Variants in ATP10B observed in about 807,000 individuals in gnomAD.
The protein encoded by ATP10B is ATPase phospholipid transporting 10B (putative), also known as phospholipid-transporting ATPase VB.
In ATP10B, 122 loss-of-function variants were observed where a neutral mutation model predicts 141.2. The ratio of observed to expected loss-of-function variants is 0.86; its 90% confidence interval spans 0.75 to 1.00. ATP10B has a LOEUF of 1.00. ATP10B is among the 50% of genes least tolerant of loss of function. ATP10B has a pLI of 0.00. For synonymous variants in ATP10B, 685 were observed against 692.0 expected (o/e 0.99, Z 0.16); for missense variants, 1,876 against 1,825.3 (o/e 1.03, Z -0.51).
chr5:160,715,731 A>G (rs1165994832), intron 3 of ATP10B, among the ~76,000 whole-genome samples: 1 of 23,386 alleles, frequency 4.3e-5, no homozygotes, highest in Middle Eastern at 0.025. Flanking sequence ...TTTATTTTTG[A>G]GACAGTGTCT....
intron 13 of ATP10B, among the ~76,000 whole-genome samples, chr5:160,626,315 G>A (rs1049831326): frequency 3.3e-5 from 5 of 152,130 alleles, no homozygotes; most frequent in South Asian, 4.1e-4. Context: ...TGATTTTTGA[G>A]CTCAAACGAT....
chr5:160,847,148 TTC>T (rs1209203095), intron 1 of ATP10B, among the ~76,000 whole-genome samples: 1 of 152,174 alleles, frequency 6.6e-6, no homozygotes, highest in African/African-American at 2.4e-5. Flanking sequence ...TGCAAGCACA[TTC>T]TCTCTGTCTT....
At chr5:160,777,403 A>G (rs375204863) in intron 2 of ATP10B, among the ~76,000 whole-genome samples, 1 of 152,174 alleles carries the variant, frequency 6.6e-6, no homozygotes, top group East Asian at 1.9e-4. Context: ...TGGCCAGTCC[A>G]TGGAAGAGTT....
At chr5:160,812,235 C>G (rs1019094472) in intron 1 of ATP10B, among the ~76,000 whole-genome samples, 2 of 152,136 alleles carry the variant, frequency 1.3e-5, no homozygotes, top group African/African-American at 4.8e-5. Context: ...AATGCAGATA[C>G]AGTTAGATCA....
the ATP10B span, among the ~76,000 whole-genome samples, chr5:160,878,763 C>A: frequency 8.5e-5 from 13 of 152,096 alleles, no homozygotes; most frequent in Non-Finnish European, 1.6e-4. Context: ...GACATTTATG[C>A]AGCCAAAAAA....
chr5:160,683,040 C>CAAA (rs35571529), intron 6 of ATP10B, among the ~76,000 whole-genome samples: 2 of 66,978 alleles, frequency 3.0e-5, no homozygotes, highest in Non-Finnish European at 5.7e-5. Context: ...CTCTGTCCCC[C>CAAA]AAAAAAAAAA....
At chr5:160,876,632 C>A in the ATP10B span, among the ~76,000 whole-genome samples, 2 of 151,904 alleles carry the variant, frequency 1.3e-5, no homozygotes, top group Non-Finnish European at 2.9e-5. Flanking sequence ...AATTGATAGA[C>A]TGCTAGCAAG....
chr5:160,718,407 T>C (rs1765782848), intron 2 of ATP10B, among the ~76,000 whole-genome samples: 1 of 152,228 alleles, frequency 6.6e-6, no homozygotes, highest in Non-Finnish European at 1.5e-5. Context: ...CATTAATCAC[T>C]CTGCATTCTC....
At chr5:160,613,224 CTACT>C (rs1757820217) in intron 17 of ATP10B, among the ~76,000 whole-genome samples, 1 of 152,128 alleles carries the variant, frequency 6.6e-6, no homozygotes, top group Non-Finnish European at 1.5e-5. Context: ...TGAGGAAGTG[CTACT>C]TAAACTGAGA....
At chr5:160,866,312 G>A in the ATP10B span, among the ~76,000 whole-genome samples, 1,285 of 152,216 alleles carry the variant, frequency 8.4e-3, 19 homozygotes, top group Middle Eastern at 0.031. Context: ...CTCAGGAATA[G>A]AAAATAAAAT....
chr5:160,688,212 C>T, intron 4 of ATP10B, 118 bp from the exon 5 acceptor site: 2 of 1,078,922 alleles, frequency 1.9e-6, no homozygotes, highest in South Asian at 1.7e-5. Flanking sequence ...CACACTTTGA[C>T]CTACTTCCTT....
At position 160,565,581 on chromosome 5, in the gene ATP10B, G is replaced by C; in HGVS notation, c.4258C>G (p.Gln1420Glu). 1 of 1,614,102 alleles carries C rather than the reference G, an allele frequency of 6.2e-7. No individual in the cohort carries two copies. ...AGCAGGTGCTCCCCGGATGAGAGTTGAGCTGAGGAGTCCCCTGAGCATGAG... is the reference window on the plus strand; with the variant it reads ...AGCAGGTGCTCCCCGGATGAGAGTTCAGCTGAGGAGTCCCCTGAGCATGAG... The part of the protein sequence containing the change: ...DDSCSGDSSA[Q>E]LSSGEHLLGP... The change falls in exon 26 of 26, where the codon CAA becomes GAA. Residue 1420 changes from glutamine (Q) to glutamate (E), a missense_variant. Coordinates refer to ENST00000327245, the MANE Select transcript of ATP10B (RefSeq NM_025153.3).
Position 160,834,250 on chromosome 5 carries a change from G to A in ATP10B, c.-576+17691C>T, listed in dbSNP as rs1410650277. On this transcript the variant is annotated intron_variant, in intron 1 of 25. Transcript: ENST00000327245. ...TGAGGCATGAGAATCGCTTGAACCT[G>A]GGAGGTGGAGGTTGCAATAAGCCGA... Among the ~76,000 whole-genome samples the A allele has an allele frequency of 3.3e-5, 5 of 152,070 alleles. 1 individual carries two copies. The highest frequency in any genetic ancestry group is 1.2e-4 in the African/African-American group (5 of 41,482).
chr5:160,910,380 A>G, the ATP10B span, among the ~76,000 whole-genome samples: 2 of 152,158 alleles, frequency 1.3e-5, no homozygotes, highest in Non-Finnish European at 2.9e-5. Flanking sequence ...TATATTCTCA[A>G]TCTCTTTCCA....
intron 1 of ATP10B, among the ~76,000 whole-genome samples, chr5:160,812,673 C>T (rs538099477): frequency 6.6e-6 from 1 of 152,004 alleles, no homozygotes; most frequent in Admixed American, 6.5e-5. Context: ...AATTAGTGAG[C>T]TTGAAGACAG....
intron 25 of ATP10B, among the ~76,000 whole-genome samples, chr5:160,566,721 GGAGAAAATATA>G (rs1325984441): frequency 6.6e-6 from 1 of 152,188 alleles, no homozygotes. Flanking sequence ...TGCGGTGTAT[GGAGAAAATATA>G]CACAAGCCGT....
chr5:160,907,286 A>AT, the ATP10B span, among the ~76,000 whole-genome samples: 6,038 of 150,324 alleles, frequency 0.04, 203 homozygotes, highest in African/African-American at 0.089. Context: ...ACCCTAGTTG[A>AT]TTTTTTTTCT....
In ATP10B at chr5:160,802,903, C is replaced by G. The variant is rs555076076; in HGVS notation, c.-575-17100G>C. On this transcript the variant is annotated intron_variant, in intron 1 of 25. Coordinates refer to ENST00000327245, the MANE Select transcript of ATP10B (RefSeq NM_025153.3). ...CTTCAGTTTCACGATTCTTCATCCC[C>G]CATCCCCATTCCAGAAAAAGGCAGG... Among the ~76,000 whole-genome samples, 44 of 152,286 alleles carry G rather than the reference C, an allele frequency of 2.9e-4. 1 individual carries two copies. The South Asian group carries it at 4.6e-3, about 16-fold the overall frequency.
intron 6 of ATP10B, among the ~76,000 whole-genome samples, chr5:160,679,617 A>G (rs1475051356): frequency 6.6e-6 from 1 of 152,224 alleles, no homozygotes; most frequent in Non-Finnish European, 1.5e-5. Flanking sequence ...CACGTGGGAC[A>G]TTGTAGCTAT....
Sources: allele counts gnomAD v4.1 joint callset (sites outside exome capture counted in the v4.1 genomes callset), GRCh38; gene constraint gnomAD v4.1.1; transcripts MANE v1.5; gene names NCBI Gene and HGNC (gene_info 2026-07-23, HGNC 2026-07-21).